IL10RB: variants seen among roughly 807,000 people sequenced by gnomAD.
IL10RB encodes the protein interleukin 10 receptor subunit beta.
In IL10RB, 30 loss-of-function variants were observed where a neutral mutation model predicts 38.7. The observed-to-expected ratio is 0.78, with a 90% CI of 0.58 to 1.05. IL10RB has a LOEUF of 1.05. IL10RB is among the 50% of genes least tolerant of loss of function. The probability of loss-of-function intolerance (pLI) is 0.00; values close to 1 mark genes in which losing one functional copy is unlikely to be tolerated. For synonymous variants in IL10RB, 142 were observed against 145.9 expected, an observed-to-expected ratio of 0.97 and a Z score of 0.19; for missense variants, 328 against 397.1, an observed-to-expected ratio of 0.83 and a Z score of 1.48.
chr21:33,275,248 C>T (rs1313180040), intron 2 of IL10RB, among the ~76,000 whole-genome samples: 2 of 151,482 alleles, frequency 1.3e-5, no homozygotes, highest in Admixed American at 6.6e-5. Context: ...CTCTGCCTCC[C>T]GGGTTCAAGT....
intron 1 of IL10RB, among the ~76,000 whole-genome samples, chr21:33,304,990 T>C (rs1046107804): frequency 4.6e-5 from 7 of 152,194 alleles, no homozygotes; most frequent in African/African-American, 1.7e-4. Flanking sequence ...ACCTCCACAG[T>C]TCCTTACATA....
chr21:33,271,745 A>G (rs1989084667), intron 2 of IL10RB, among the ~76,000 whole-genome samples: 1 of 151,812 alleles, frequency 6.6e-6, no homozygotes, highest in South Asian at 2.1e-4. Context: ...AAAAAAACCT[A>G]GTGAAAAAGA....
intron 6 of IL10RB, among the ~76,000 whole-genome samples, chr21:33,294,986 T>C (rs1044120807): frequency 1.3e-5 from 2 of 152,212 alleles, no homozygotes; most frequent in African/African-American, 4.8e-5. Flanking sequence ...TTGGTGTCTA[T>C]TAAAAGTGAG....
chr21:33,305,725 G>A (rs548485351), intron 1 of IL10RB, among the ~76,000 whole-genome samples: 1 of 152,332 alleles, frequency 6.6e-6, no homozygotes, highest in Admixed American at 6.5e-5. Flanking sequence ...TGCAGGAAGA[G>A]AGCACACCTC....
intron 5 of IL10RB, among the ~76,000 whole-genome samples, chr21:33,285,622 G>T (rs1989358536): frequency 6.6e-6 from 1 of 152,144 alleles, no homozygotes. Context: ...ATGCTAAGAT[G>T]CCCCAGTTTG....
At chr21:33,295,161 C>T (rs8178558) in intron 6 of IL10RB, among the ~76,000 whole-genome samples, 1 of 151,764 alleles carries the variant, frequency 6.6e-6, no homozygotes, top group African/African-American at 2.4e-5. Context: ...GTCAGGAGAT[C>T]GAGACCATCC....
chr21:33,276,499 C>A (rs1295684630), intron 2 of IL10RB, 97 bp from the exon 3 acceptor site: 6 of 928,094 alleles, frequency 6.5e-6, no homozygotes, highest in Non-Finnish European at 1.1e-5. Flanking sequence ...ACAGTTTCCA[C>A]TCCCGCGCCG....
rs757379186 is a variant in IL10RB at position 33,296,324 on chromosome 21, C to T, written c.945C>T (p.Leu315=). The T allele has an allele frequency of 5.0e-6, 8 of 1,613,948 alleles. No individual in the cohort carries two copies. Among genetic ancestry groups the T allele is most frequent in the Non-Finnish European group, 6.8e-6 (8 of 1,179,970 alleles). Residue 315 remains leucine, a synonymous_variant, in exon 7 of 7, where the codon CTC becomes CTT. Coordinates refer to ENST00000290200, the MANE Select transcript of IL10RB (RefSeq NM_000628.5). ...AGAATCCTGGTGACAGCTGCAGCCT[C>T]GGGACCCCGCCTGGGCAGGGGCCCC... The part of the protein sequence containing the change: ...GKQNPGDSCS[L]GTPPGQGPQS
In IL10RB at chr21:33,288,236, A is replaced by G; in HGVS notation, c.779A>G (p.Asn260Ser). The G allele has an allele frequency of 6.2e-7, 1 of 1,614,104 alleles. No individual in the cohort carries two copies. Among genetic ancestry groups the G allele is most frequent in the African/African-American group, 1.3e-5 (1 of 75,038 alleles). ...KKTKYAFSPR[N>S]SLPQHLKEFL... Reference sequence around the variant, plus strand: ...ACAAAGTACGCCTTCTCCCCTAGGAATTCTCTTCCACAGCACCTGAAAGAG... The same window carrying G: ...ACAAAGTACGCCTTCTCCCCTAGGAGTTCTCTTCCACAGCACCTGAAAGAG... The change falls in exon 6 of 7, where the codon AAT (asparagine) becomes AGT (serine). Residue 260 changes from asparagine to serine, a missense_variant. Coordinates refer to ENST00000290200, the MANE Select transcript of IL10RB (RefSeq NM_000628.5).
chr21:33,272,345 C>T (rs1179378293), intron 2 of IL10RB, among the ~76,000 whole-genome samples: 1 of 152,198 alleles, frequency 6.6e-6, no homozygotes, highest in Non-Finnish European at 1.5e-5. Flanking sequence ...CTTTCATCAT[C>T]ACTTCTGGGA....
At chr21:33,300,365 C>G (rs918553138), downstream of IL10RB, among the ~76,000 whole-genome samples, 2 of 151,172 alleles carry the variant, frequency 1.3e-5, no homozygotes, top group East Asian at 1.9e-4. Context: ...TGTTTGAACC[C>G]GGGAGGCGGA....
chr21:33,268,657 G>C (rs1384904610), intron 2 of IL10RB, 140 bp downstream of exon 2: 1 of 724,598 alleles, frequency 1.4e-6, no homozygotes, highest in East Asian at 2.5e-5. Context: ...CTCCCTGCCA[G>C]CCTTTTGCTG....
intron 2 of IL10RB, among the ~76,000 whole-genome samples, chr21:33,268,972 T>C (rs534296879): frequency 6.6e-6 from 1 of 152,290 alleles, no homozygotes; most frequent in East Asian, 1.9e-4. Context: ...AGGAAGCCCC[T>C]TGCTACCATA....
chr21:33,281,868 G>A (rs550825825), intron 4 of IL10RB, among the ~76,000 whole-genome samples: 2 of 152,274 alleles, frequency 1.3e-5, no homozygotes, highest in Non-Finnish European at 2.9e-5. Flanking sequence ...CTTTCTTCCT[G>A]TTGGGAGAAA....
At chr21:33,270,829 CG>C (rs1989066053) in intron 2 of IL10RB, among the ~76,000 whole-genome samples, 1 of 152,046 alleles carries the variant, frequency 6.6e-6, no homozygotes, top group Non-Finnish European at 1.5e-5. Context: ...CACATGCCAC[CG>C]TGCCCAACTG....
downstream of IL10RB, among the ~76,000 whole-genome samples, chr21:33,301,201 T>TA (rs569369727): frequency 6.4e-4 from 97 of 152,238 alleles, no homozygotes; most frequent in South Asian, 0.02. Context: ...AAACGGGAAG[T>TA]AAAAAACAAA....
At chr21:33,267,935 C>T (rs1989002826) in intron 1 of IL10RB, 1 of 258,894 alleles carries the variant, frequency 3.9e-6, no homozygotes, top group Admixed American at 5.0e-5. Flanking sequence ...CTACTTCAGC[C>T]TCTCTCCAGC....
chr21:33,266,385 A>C lies in IL10RB; in HGVS notation c.-81A>C. The C allele has an allele frequency of 2.7e-6, 4 of 1,479,556 alleles. No individual in the cohort carries two copies. The highest frequency in any genetic ancestry group is 3.6e-6 in the Non-Finnish European group (4 of 1,100,264). The allele number at this position is 1,479,556 out of a possible 1,614,324, so 91.7% of individuals were successfully genotyped here. On this transcript the variant is annotated 5_prime_UTR_variant, in exon 1 of 7. Transcript: ENST00000290200. ...CCCGCCCATCTCCGCTGGTTCCCGG[A>C]AGCCGCCGCGGACAAGCTCTCCCGG...
chr21:33,296,341 AGGGG>A lies in IL10RB; in HGVS notation c.963_966del (p.Gln321HisfsTer7), dbSNP rs763395229. ...TGCAGCCTCGGGACCCCGCCTGGGC[AGGGG>A]CCCCAAAGCTAGGCTCTGAGAAGGA... is the stretch of plus-strand genomic sequence containing the variant. On this transcript the variant is annotated frameshift_variant, in exon 7 of 7. Coordinates refer to ENST00000290200, the MANE Select transcript of IL10RB (RefSeq NM_000628.5). LOFTEE classifies it high-confidence loss of function. 5.9e-5 allele frequency: 95 copies of A among 1,612,130 alleles called. 3 individuals carry two copies. The South Asian group carries it at 1.0e-3, about 17-fold the overall frequency.
Sources: gnomAD v4.1 joint callset for allele counts (sites outside exome capture counted in the v4.1 genomes callset) on GRCh38, gnomAD v4.1.1 for gene constraint, MANE v1.5 for transcripts, NCBI Gene and HGNC (gene_info 2026-07-23, HGNC 2026-07-21) for gene names.